Variants in AMBP observed in about 807,000 individuals in gnomAD.
AMBP encodes the protein protein AMBP.
A neutral mutation model predicts 46.3 loss-of-function variants in AMBP; 37 were observed. That is an observed-to-expected ratio of 0.80 (90% CI 0.61 to 1.05). AMBP has a LOEUF of 1.05. Ranked by LOEUF, AMBP falls within the 50% of genes least tolerant of loss-of-function variation. The probability of loss-of-function intolerance (pLI) is 0.00; values close to 1 mark genes in which losing one functional copy is unlikely to be tolerated. For synonymous variants in AMBP, 174 were observed against 175.9 expected, an observed-to-expected ratio of 0.99 and a Z score of 0.09; for missense variants, 475 against 461.2, an observed-to-expected ratio of 1.03 and a Z score of -0.27.
intron 3 of AMBP, 92 bp from the exon 4 acceptor site, chr9:114,074,244 C>T: frequency 1.1e-6 from 1 of 903,240 alleles, no homozygotes; most frequent in Non-Finnish European, 1.8e-6. Flanking sequence ...CACATCATCT[C>T]CTCATCCATC....
chr9:114,078,132 G>A lies in AMBP; in HGVS notation c.78C>T (p.Pro26=), dbSNP rs370861014. 53 of 1,613,826 alleles carry A rather than the reference G, an allele frequency of 3.3e-5. No individual in the cohort carries two copies. The highest frequency in any genetic ancestry group is 8.3e-5 in the Admixed American group (5 of 60,034). ...AGTTTTCCTGCACTTGGATGTTGTCGGGCGGCGTTGGCACAGGGCCAGCGC... is the reference window on the plus strand; with the variant it reads ...AGTTTTCCTGCACTTGGATGTTGTCAGGCGGCGTTGGCACAGGGCCAGCGC... ...AVSAGPVPTP[P]DNIQVQENFN... The change falls in exon 1 of 10, where the codon CCC becomes CCT. Residue 26 remains proline (P), a synonymous_variant. Transcript: ENST00000265132.
At chr9:114,062,116 C>G (rs1033093198) in intron 7 of AMBP, among the ~76,000 whole-genome samples, 3 of 152,186 alleles carry the variant, frequency 2.0e-5, no homozygotes, top group African/African-American at 7.2e-5. Context: ...CTTTAGCTGA[C>G]CCTTCCTTTT....
At chr9:114,075,106 G>T in intron 2 of AMBP, 70 bp from the exon 3 acceptor site, 1 of 1,278,018 alleles carries the variant, frequency 7.8e-7, no homozygotes. Flanking sequence ...CAACCCTCCT[G>T]CAGGGCTCTT....
rs1019560107 is a variant in AMBP at position 114,060,174 on chromosome 9, C to T, written c.*65G>A. Reference sequence around the variant, plus strand: ...TTTTATTTGGACCCAGGTTGCTTGGCGCTGCCTGCCACAGGACCCCGGGAC... The same window carrying T: ...TTTTATTTGGACCCAGGTTGCTTGGTGCTGCCTGCCACAGGACCCCGGGAC... On this transcript the variant is annotated 3_prime_UTR_variant, in exon 10 of 10. Transcript: ENST00000265132. 4.6e-5 allele frequency: 71 copies of T among 1,548,824 alleles called. No homozygotes were observed. Among genetic ancestry groups the T allele is most frequent in the Admixed American group, 2.3e-4 (12 of 52,726 alleles).
At chr9:114,070,015 CACTG>C (rs934420736) in intron 5 of AMBP, 7 of 502,860 alleles carry the variant, frequency 1.4e-5, no homozygotes, top group Admixed American at 1.4e-4. Context: ...CAATAGCTAA[CACTG>C]ACTGAGCATT....
At position 114,075,693 on chromosome 9, in the gene AMBP, G is replaced by A. The variant is rs141277631; in HGVS notation, c.261-657C>T. 3.3e-3 allele frequency among the ~76,000 whole-genome samples: 497 copies of A among 152,306 alleles called. 4 individuals carry two copies. The highest frequency in any genetic ancestry group is 0.011 in the African/African-American group (462 of 41,562). ...GGGTCAGGCAGGCAGGTGAGAGGCA[G>A]ATGCAATCAGTGTGAGAAGTACCAC... On this transcript the variant is annotated intron_variant, in intron 2 of 9. Coordinates refer to ENST00000265132, the MANE Select transcript of AMBP (RefSeq NM_001633.4).
chr9:114,074,824 A>T, intron 3 of AMBP, 136 bp downstream of exon 3: 1 of 713,258 alleles, frequency 1.4e-6, no homozygotes, highest in Non-Finnish European at 2.4e-6. Context: ...GAGGAAGAGG[A>T]GGAGTTGTTT....
chr9:114,072,837 T>C (rs1846759594), intron 5 of AMBP, 88 bp downstream of exon 5: 4 of 1,187,458 alleles, frequency 3.4e-6, no homozygotes, highest in Non-Finnish European at 4.9e-6. Flanking sequence ...CAGAGGGTTA[T>C]AGTAAGGACC....
Position 114,078,290 on chromosome 9 carries a change from A to G in AMBP, c.-81T>C. ...GGCCACCGCCTCCCTGCAACAGGGC[A>G]GCTGTGAACTGAGGCTGGGGAAGGG... On this transcript the variant is annotated 5_prime_UTR_variant, in exon 1 of 10. Transcript: ENST00000265132. 1 of 1,352,262 alleles carries G rather than the reference A, an allele frequency of 7.4e-7. No homozygotes were observed. Among genetic ancestry groups the G allele is most frequent in the Admixed American group, 1.8e-5 (1 of 56,664 alleles). 83.8% of individuals were successfully genotyped at this position (1,352,262 alleles called of 1,614,324 possible).
In AMBP at chr9:114,060,190, A is replaced by AC; in HGVS notation, c.*48dup. ...GTTGCTTGGCGCTGCCTGCCACAGG[A>AC]CCCCGGGACAGACACTGGCCATCCT... On this transcript the variant is annotated 3_prime_UTR_variant, in exon 10 of 10. Transcript: ENST00000265132. 6.3e-7 allele frequency: 1 copy of AC among 1,581,782 alleles called. No individual in the cohort carries two copies. The highest frequency in any genetic ancestry group is 8.6e-7 in the Non-Finnish European group (1 of 1,161,936).
At chr9:114,070,109 C>G (rs1270456801) in intron 5 of AMBP, among the ~76,000 whole-genome samples, 2 of 152,180 alleles carry the variant, frequency 1.3e-5, no homozygotes, top group African/African-American at 4.8e-5. Flanking sequence ...GTTATTATGC[C>G]CAATTTACAG....
chr9:114,064,663 A>C (rs988676521), intron 6 of AMBP, among the ~76,000 whole-genome samples: 1 of 73,898 alleles, frequency 1.4e-5, no homozygotes, highest in African/African-American at 3.4e-5. Context: ...AACATTTAGC[A>C]AAAAAAAAAA....
At chr9:114,061,667 G>T in intron 7 of AMBP, 76 bp from the exon 8 acceptor site, 1 of 1,421,724 alleles carries the variant, frequency 7.0e-7, no homozygotes, top group Non-Finnish European at 9.4e-7. Context: ...CTTGATATGC[G>T]CCATCTCATT....
chr9:114,071,704 G>A (rs948268876), intron 5 of AMBP, among the ~76,000 whole-genome samples: 4 of 152,236 alleles, frequency 2.6e-5, no homozygotes, highest in African/African-American at 9.6e-5. Flanking sequence ...CTTGCGTACA[G>A]AGCACCCATA....
chr9:114,061,118 A>G lies in AMBP; in HGVS notation c.854-20T>C. On this transcript the variant is annotated intron_variant, in intron 8 of 9. Coordinates refer to ENST00000265132, the MANE Select transcript of AMBP (RefSeq NM_001633.4). ...AGGCCGCTGTGGAGTGGAGAGAGGC[A>G]TGGAACTTGAGAAACCCTTGTGACT... 1 of 1,612,098 alleles carries G rather than the reference A, an allele frequency of 6.2e-7. No individual in the cohort carries two copies. Among genetic ancestry groups the G allele is most frequent in the Non-Finnish European group, 8.5e-7 (1 of 1,179,026 alleles).
chr9:114,061,700 C>G, intron 7 of AMBP, 109 bp from the exon 8 acceptor site: 1 of 1,308,272 alleles, frequency 7.6e-7, no homozygotes, highest in Non-Finnish European at 1.0e-6. Context: ...AAAGGATTAT[C>G]AATTCTTTTT....
chr9:114,078,027 G>T, intron 1 of AMBP, 66 bp downstream of exon 1: 1 of 1,528,806 alleles, frequency 6.5e-7, no homozygotes, highest in Non-Finnish European at 9.1e-7. Context: ...CACTTGCCCA[G>T]CAGGGCCCAT....
intron 5 of AMBP, 161 bp from the exon 6 acceptor site, chr9:114,069,906 A>G (rs961466133): frequency 6.0e-6 from 4 of 670,340 alleles, no homozygotes; most frequent in Non-Finnish European, 1.0e-5. Flanking sequence ...AAGGCCATTC[A>G]CTGGAAAAGC....
chr9:114,076,943 C>T (rs1369632746), intron 1 of AMBP, among the ~76,000 whole-genome samples: 1 of 152,170 alleles, frequency 6.6e-6, no homozygotes, highest in Non-Finnish European at 1.5e-5. Context: ...AGTGGCGTTT[C>T]AGGCATCACA....
Sources: allele counts gnomAD v4.1 joint callset (sites outside exome capture counted in the v4.1 genomes callset), GRCh38; gene constraint gnomAD v4.1.1; transcripts MANE v1.5; gene names NCBI Gene and HGNC (gene_info 2026-07-23, HGNC 2026-07-21).